LAMA5: variants seen among roughly 807,000 people sequenced by gnomAD.
LAMA5 encodes laminin subunit alpha 5, also known as laminin subunit alpha-5.
Under a neutral mutation model 433.4 loss-of-function variants are expected in LAMA5, and 260 were observed. The observed-to-expected ratio is 0.60, with a 90% CI of 0.54 to 0.66. LAMA5 has a LOEUF of 0.66. Among genes scored for constraint, LAMA5 ranks in the 30% least tolerant of loss-of-function variants. The probability of loss-of-function intolerance (pLI) is 0.00; values close to 1 mark genes in which losing one functional copy is unlikely to be tolerated. For missense variants in LAMA5, 5,378 were observed against 5,258.5 expected, an observed-to-expected ratio of 1.02 and a Z score of -0.70; for synonymous variants, 2,620 against 2,226.6, an observed-to-expected ratio of 1.18 and a Z score of -4.97.
In LAMA5 at chr20:62,315,962, A is replaced by G. The variant is rs1181143519; in HGVS notation, c.7853T>C (p.Leu2618Pro). 4 of 1,603,026 alleles carry G rather than the reference A, an allele frequency of 2.5e-6. No homozygotes were observed. Among genetic ancestry groups the G allele is most frequent in the Non-Finnish European group, 3.4e-6 (4 of 1,177,812 alleles). The change falls in exon 58 of 80, where the codon CTT (leucine) becomes CCT (proline). Residue 2618 changes from leucine (L) to proline (P), a missense_variant. Coordinates refer to ENST00000252999, the MANE Select transcript of LAMA5 (RefSeq NM_005560.6). ...GCTCCGCATACCTGTGTCCATGGCA[A>G]GCATGGCCTGCGCCGCCTGGATGTG... ...EAHIQAAQAM[L>P]AMDTDETSKK...
At position 62,362,457 on chromosome 20, in the gene LAMA5, T is replaced by C. The variant is rs758622969; in HGVS notation, c.393A>G (p.Pro131=). ...TGTACTCCAGGCCGCGGGACAGCGG[T>C]GGACTCTGCCACCAGCGCTCCGTGC... ...IDGTERWWQS[P]PLSRGLEYNE... The change falls in exon 2 of 80, where the codon CCA becomes CCG. Residue 131 remains proline (P), a synonymous_variant. Coordinates refer to ENST00000252999, the MANE Select transcript of LAMA5 (RefSeq NM_005560.6). 3.1e-6 allele frequency: 5 copies of C among 1,600,804 alleles called. No homozygotes were observed. The highest frequency in any genetic ancestry group is 3.4e-6 in the Non-Finnish European group (4 of 1,172,544).
In LAMA5 at chr20:62,317,021, A is replaced by C. The variant is rs199776859; in HGVS notation, c.7514T>G (p.Ile2505Ser). The change falls in exon 56 of 80, where the codon ATC (isoleucine) becomes AGC (serine). Residue 2505 changes from isoleucine (I) to serine (S), a missense_variant and splice_region_variant. Ile to Ser is a moderately radical substitution (Grantham distance 142, BLOSUM62 -2). Transcript: ENST00000252999. Reference protein sequence around the residue: ...LGQLALNLSSIILDVNQDRLT... With the variant: ...LGQLALNLSSSILDVNQDRLT... Reference sequence around the variant, plus strand: ...GCGGTCCTGGTTGACGTCCAGGATGATGCTGCAGCGGAAGGGAGGGTCGAA... The same window carrying C: ...GCGGTCCTGGTTGACGTCCAGGATGCTGCTGCAGCGGAAGGGAGGGTCGAA... 712 of 1,525,048 alleles carry C rather than the reference A, an allele frequency of 4.7e-4. 7 individuals carry two copies. The highest frequency in any genetic ancestry group is 2.5e-3 in the Middle Eastern group (13 of 5,272). 94.5% of individuals were successfully genotyped at this position (1,525,048 alleles called of 1,614,324 possible).
At position 62,312,514 on chromosome 20, in the gene LAMA5, G is replaced by A. The variant is rs185677463; in HGVS notation, c.9246C>T (p.Pro3082=). 4.8e-5 allele frequency: 76 copies of A among 1,599,050 alleles called. No individual in the cohort carries two copies. The Middle Eastern group carries it at 2.3e-3, about 49-fold the overall frequency. ...CGCAGCCACGGACTGAGCCTCCGGT[G>A]GGGAAGAGCCGTCGCAGGCTGTGGG... The part of the protein sequence containing the change: ...QLPPSLRRLF[P]TGGSVRGCVK... Residue 3082 remains proline (P), a synonymous_variant, in exon 68 of 80, where the codon CCC becomes CCT. Coordinates refer to ENST00000252999, the MANE Select transcript of LAMA5 (RefSeq NM_005560.6).
chr20:62,349,444 C>T (rs1249302179), intron 6 of LAMA5, among the ~76,000 whole-genome samples: 1 of 151,596 alleles, frequency 6.6e-6, no homozygotes, highest in Admixed American at 6.6e-5. Context: ...CTCTCCCAAG[C>T]ACCTGGAGAG....
intron 57 of LAMA5, 142 bp from the exon 58 acceptor site, chr20:62,316,200 T>C (rs1986912500): frequency 1.6e-6 from 1 of 644,200 alleles, no homozygotes; most frequent in Admixed American, 2.5e-5. Context: ...ATGGAGTCCC[T>C]TAGCCTGTGG....
At position 62,338,023 on chromosome 20, in the gene LAMA5, G is replaced by C; in HGVS notation, c.1884C>G (p.Asn628Lys). Residue 628 changes from asparagine (N) to lysine (K), a missense_variant, in exon 14 of 80, where the codon AAC (asparagine) becomes AAG (lysine). Asn to Lys is a moderately conservative substitution (Grantham distance 94). Coordinates refer to ENST00000252999, the MANE Select transcript of LAMA5 (RefSeq NM_005560.6). ...RCRPGYHGFP[N>K]CQACTCDPRG... is the part of the protein sequence containing the mutation. ...CCCTGACCCTCTGCTCACCTTGGCA[G>C]TTGGGGAAACCATGGTAGCCAGGGC... 1 of 1,598,148 alleles carries C rather than the reference G, an allele frequency of 6.3e-7. No individual in the cohort carries two copies.
intron 1 of LAMA5, among the ~76,000 whole-genome samples, chr20:62,362,756 C>A (rs1986284190): frequency 6.6e-6 from 1 of 152,130 alleles, no homozygotes. Context: ...CTCATGTGAG[C>A]TGCTCACGGC....
rs113371619 is a variant in LAMA5, at chr20:62,327,635, C to A, written c.4832G>T (p.Ser1611Ile). ...AGCATCCAGTGAGAAGGTCCCAAGG[C>A]TGCACTGGTCACATTTGGGGCCCTG... is the stretch of plus-strand genomic sequence containing the variant. Reference protein sequence around the residue: ...NVQGPKCDQCSLGTFSLDAAN... With the variant: ...NVQGPKCDQCILGTFSLDAAN... The change falls in exon 37 of 80, where the codon AGC becomes ATC. Residue 1611 changes from serine to isoleucine, a missense_variant. Physicochemically the swap from Ser to Ile is moderately radical, Grantham distance 142. Transcript: ENST00000252999. 10 of 1,613,194 alleles carry A rather than the reference C, an allele frequency of 6.2e-6. No homozygotes were observed. The highest frequency in any genetic ancestry group is 8.5e-6 in the Non-Finnish European group (10 of 1,180,000).
chr20:62,317,607 T>C, intron 54 of LAMA5, 55 bp downstream of exon 54: 1 of 1,518,514 alleles, frequency 6.6e-7, no homozygotes, highest in Non-Finnish European at 8.9e-7. Flanking sequence ...CCCACGGGCC[T>C]GGGAGGGAGT....
At chr20:62,336,628 T>A (rs915623633) in intron 17 of LAMA5, 106 bp downstream of exon 17, 47 of 1,386,914 alleles carry the variant, frequency 3.4e-5, no homozygotes, top group Admixed American at 1.8e-4. Context: ...GGGGTTGCCA[T>A]GGCAACTGAG....
At chr20:62,323,410 C>T in intron 45 of LAMA5, 46 bp downstream of exon 45, 1 of 1,437,658 alleles carries the variant, frequency 7.0e-7, no homozygotes, top group Non-Finnish European at 9.3e-7. Flanking sequence ...TCCCTCCTCC[C>T]CGCGCAACCC....
chr20:62,315,022 G>T lies in LAMA5; in HGVS notation c.8047+6C>A. On this transcript the variant is annotated splice_donor_region_variant and intron_variant, in intron 59 of 79. Coordinates refer to ENST00000252999, the MANE Select transcript of LAMA5 (RefSeq NM_005560.6). ...ATCAGGGGCACCGCGAGGGCCATGGGCGCACCTGAGTGGCCTGCGTCAAGC... is the reference window on the plus strand; with the variant it reads ...ATCAGGGGCACCGCGAGGGCCATGGTCGCACCTGAGTGGCCTGCGTCAAGC... The T allele has an allele frequency of 6.3e-7, 1 of 1,587,644 alleles. No homozygotes were observed.
intron 57 of LAMA5, chr20:62,316,307 C>T (rs781120395): frequency 5.3e-6 from 3 of 569,730 alleles, no homozygotes; most frequent in African/African-American, 1.9e-5. Context: ...ACAATAGAGG[C>T]TCAGAAGAGA....
intron 13 of LAMA5, 37 bp from the exon 14 acceptor site, chr20:62,338,187 C>T (rs1057131786): frequency 1.3e-6 from 2 of 1,569,540 alleles, no homozygotes; most frequent in Non-Finnish European, 1.7e-6. Context: ...AGGCCAGGCC[C>T]ACGGGCCTCC....
chr20:62,352,429 C>A lies in LAMA5; in HGVS notation c.569-69G>T, dbSNP rs541298610. Reference sequence around the variant, plus strand: ...AGCCTGGGTCCCCGCGGTGCCCGGGCCCCTTGACGTCTCCGGGCCTTGCCA... The same window carrying A: ...AGCCTGGGTCCCCGCGGTGCCCGGGACCCTTGACGTCTCCGGGCCTTGCCA... On this transcript the variant is annotated intron_variant, in intron 3 of 79. Transcript: ENST00000252999. 74 of 1,177,492 alleles carry A rather than the reference C, an allele frequency of 6.3e-5. 1 individual carries two copies. In the South Asian group the frequency reaches 9.0e-4, roughly 14 times the overall value. 72.9% of individuals were successfully genotyped at this position (1,177,492 alleles called of 1,614,324 possible). A position where few individuals can be genotyped will look rare whatever the true frequency, so the allele number is the denominator to read the frequency against.
rs1292439623 is a variant in LAMA5 at position 62,359,406 on chromosome 20, G to A, written c.450+2994C>T. 6.6e-6 allele frequency among the ~76,000 whole-genome samples: 1 copy of A among 152,084 alleles called. No individual in the cohort carries two copies. Among genetic ancestry groups the A allele is most frequent in the African/African-American group, 2.4e-5 (1 of 41,420 alleles). Reference sequence around the variant, plus strand: ...GGACCCTGCGGCAGAGCCAGGGGGTGGGGGAGCTCAAGCCAGGACCCGCTG... The same window carrying A: ...GGACCCTGCGGCAGAGCCAGGGGGTAGGGGAGCTCAAGCCAGGACCCGCTG... On this transcript the variant is annotated intron_variant, in intron 2 of 79. Transcript: ENST00000252999. The surrounding 1 kb of genome is among the most constrained non-coding windows in gnomAD (Gnocchi z 4.3).
chr20:62,327,768 C>T lies in LAMA5; in HGVS notation c.4797+98G>A, dbSNP rs1979570468. 16 of 1,577,572 alleles carry T rather than the reference C, an allele frequency of 1.0e-5. No homozygotes were observed. In the South Asian group the frequency reaches 1.6e-4, roughly 16 times the overall value. On this transcript the variant is annotated intron_variant, in intron 36 of 79. Transcript: ENST00000252999. The stretch of plus-strand genomic sequence containing the variant: ...CCAATGGGGATGACTCTCCCAAAAG[C>T]TTCTAGGAAGCCCCAGCTGCCCCGA...
At chr20:62,323,954 G>A in intron 43 of LAMA5, 98 bp from the exon 44 acceptor site, 1 of 1,435,162 alleles carries the variant, frequency 7.0e-7, no homozygotes, top group African/African-American at 1.4e-5. Flanking sequence ...AGGCGTCGGG[G>A]GCCCAGACCT....
intron 25 of LAMA5, 43 bp downstream of exon 25, chr20:62,333,332 C>T (rs1277108880): frequency 6.2e-7 from 1 of 1,601,726 alleles, no homozygotes; most frequent in Non-Finnish European, 8.5e-7. Flanking sequence ...AGTGGGGGTC[C>T]AGGAAGCCCC....
Sources: gnomAD v4.1 joint callset for allele counts (sites outside exome capture counted in the v4.1 genomes callset) on GRCh38, gnomAD v4.1.1 for gene constraint, Gnocchi (gnomAD v3.1) non-coding constraint, MANE v1.5 for transcripts, NCBI Gene and HGNC (gene_info 2026-07-23, HGNC 2026-07-21) for gene names.